MAML2: variants seen among roughly 807,000 people sequenced by gnomAD.
MAML2 encodes mastermind like transcriptional coactivator 2, also known as mastermind-like protein 2.
Under a neutral mutation model 96.1 loss-of-function variants are expected in MAML2, and 22 were observed. The ratio of observed to expected loss-of-function variants is 0.23; its 90% CI spans 0.16 to 0.33. The LOEUF is 0.33. MAML2 is among the 10% of genes least tolerant of loss of function. MAML2 has a pLI of 1.00. For missense variants in MAML2, 1,367 were observed against 1,392.4 expected (o/e 0.98, Z 0.29); for synonymous variants, 561 against 521.3 (o/e 1.08, Z -1.04).
chr11:96,115,389 G>A (rs532392128), intron 1 of MAML2, among the ~76,000 whole-genome samples: 124 of 151,644 alleles, frequency 8.2e-4, no homozygotes, highest in African/African-American at 2.8e-3. Context: ...CAGGCTGGTC[G>A]TGAACTCTTG....
intron 1 of MAML2, among the ~76,000 whole-genome samples, chr11:96,336,029 G>A (rs1863916089): frequency 6.6e-6 from 1 of 152,160 alleles, no homozygotes; most frequent in African/African-American, 2.4e-5. Flanking sequence ...CACCTACTAT[G>A]TATCAGGCAC....
Position 95,979,672 on chromosome 11 carries a change from G to T in MAML2, c.2747C>A (p.Pro916Gln). 2 of 1,613,914 alleles carry T rather than the reference G, an allele frequency of 1.2e-6. No homozygotes were observed. The highest frequency in any genetic ancestry group is 1.7e-6 in the Non-Finnish European group (2 of 1,179,878). ...PMMPRPPTLG[P>Q]SNNNNVATFG... is the part of the protein sequence containing the mutation. The stretch of plus-strand genomic sequence containing the variant: ...AGTGGCTACATTGTTATTATTACTT[G>T]GCCCTAAGGTAGGTGGCCGTGGCAT... Residue 916 changes from proline to glutamine, a missense_variant, in exon 5 of 5, where the codon CCA becomes CAA. Pro to Gln is a moderately conservative substitution (Grantham distance 76). Transcript: ENST00000524717.
chr11:96,158,145 T>G (rs536019847), intron 1 of MAML2, among the ~76,000 whole-genome samples: 1 of 152,186 alleles, frequency 6.6e-6, no homozygotes, highest in South Asian at 2.1e-4. Flanking sequence ...GTATAATTCT[T>G]GCTAAAATGA....
intron 1 of MAML2, among the ~76,000 whole-genome samples, chr11:96,138,622 T>TG (rs371086716): frequency 4.6e-5 from 7 of 151,930 alleles, no homozygotes; most frequent in Admixed American, 1.3e-4. Flanking sequence ...GTAAGAAAGA[T>TG]GGGGGGGTTG....
At chr11:96,081,172 G>A (rs1212332561) in intron 2 of MAML2, among the ~76,000 whole-genome samples, 2 of 152,114 alleles carry the variant, frequency 1.3e-5, no homozygotes, top group African/African-American at 4.8e-5. Context: ...CTTGCTAAAA[G>A]AAAGTGTGAA....
At chr11:96,306,865 C>T (rs1445310668) in intron 1 of MAML2, among the ~76,000 whole-genome samples, 1 of 152,062 alleles carries the variant, frequency 6.6e-6, no homozygotes. Context: ...GGAGTGAGCA[C>T]GAGGAATTGA....
intron 2 of MAML2, among the ~76,000 whole-genome samples, chr11:96,060,301 G>A (rs530969715): frequency 2.0e-5 from 3 of 152,320 alleles, no homozygotes; most frequent in South Asian, 4.1e-4. Flanking sequence ...TTACAGTACA[G>A]TAAACCAGTG....
chr11:96,326,483 T>G (rs1219109442), intron 1 of MAML2, among the ~76,000 whole-genome samples: 1 of 152,000 alleles, frequency 6.6e-6, no homozygotes, highest in Non-Finnish European at 1.5e-5. Context: ...TATATCCCTT[T>G]GCTGAAAGTC....
At chr11:96,311,959 G>A (rs1196764102) in intron 1 of MAML2, among the ~76,000 whole-genome samples, 3 of 151,962 alleles carry the variant, frequency 2.0e-5, no homozygotes, top group Admixed American at 6.6e-5. Flanking sequence ...AGCAAACACC[G>A]GCCAGGCTTG....
In MAML2 at chr11:95,978,933, T is replaced by C; in HGVS notation, c.*15A>G. The C allele has an allele frequency of 6.3e-7, 1 of 1,588,778 alleles. No individual in the cohort carries two copies. The highest frequency in any genetic ancestry group is 8.6e-7 in the Non-Finnish European group (1 of 1,168,410). On this transcript the variant is annotated 3_prime_UTR_variant, in exon 5 of 5. Transcript: ENST00000524717. Reference sequence around the variant, plus strand: ...TTTAGTGCTTGGAGTTTGTAAATTGTCTTCCCTTTCTTCTTTAGGAATTGT... The same window carrying C: ...TTTAGTGCTTGGAGTTTGTAAATTGCCTTCCCTTTCTTCTTTAGGAATTGT...
chr11:96,216,588 A>G (rs1862052822), intron 1 of MAML2, among the ~76,000 whole-genome samples: 1 of 152,202 alleles, frequency 6.6e-6, no homozygotes, highest in Admixed American at 6.5e-5. Flanking sequence ...TGTCCAGGCC[A>G]TGGTGCACTC....
chr11:96,296,656 T>TTAAA (rs548304251), intron 1 of MAML2, among the ~76,000 whole-genome samples: 23 of 151,682 alleles, frequency 1.5e-4, no homozygotes, highest in South Asian at 6.3e-4. Context: ...AAAAATAAAA[T>TTAAA]TAAATAAATA....
rs75964881 is a variant in MAML2, at chr11:96,049,182, G to T, written c.2139+42710C>A. Among the ~76,000 whole-genome samples the T allele has an allele frequency of 9.6e-3, 1,468 of 152,286 alleles. 16 individuals are homozygous for T. Among genetic ancestry groups the T allele is most frequent in the Non-Finnish European group, 0.016 (1,055 of 68,020 alleles). On this transcript the variant is annotated intron_variant, in intron 2 of 4. Transcript: ENST00000524717. ...AAGGACTTGGACAAGATGAGCTGCA[G>T]GGTGGTGACTTCAGAACTGGCATAC...
chr11:96,151,611 T>C (rs547514105), intron 1 of MAML2, among the ~76,000 whole-genome samples: 35 of 152,306 alleles, frequency 2.3e-4, no homozygotes, highest in African/African-American at 8.2e-4. Context: ...GTTCTCATGA[T>C]GGTGAGTGAG....
chr11:96,256,164 G>A (rs527345002), intron 1 of MAML2, among the ~76,000 whole-genome samples: 2 of 151,944 alleles, frequency 1.3e-5, no homozygotes, highest in South Asian at 2.1e-4. Flanking sequence ...GTGACCCACC[G>A]CACCTGGCCA....
chr11:96,323,895 A>G (rs1863741493), intron 1 of MAML2, among the ~76,000 whole-genome samples: 1 of 152,186 alleles, frequency 6.6e-6, no homozygotes, highest in South Asian at 2.1e-4. Flanking sequence ...CAGTCAAAAC[A>G]TGTGTCACTC....
chr11:96,005,023 C>A (rs903951161), intron 2 of MAML2, among the ~76,000 whole-genome samples: 4 of 152,146 alleles, frequency 2.6e-5, no homozygotes, highest in Non-Finnish European at 4.4e-5. Context: ...CTTCTACCTA[C>A]CACCATGGAA....
In MAML2 at chr11:96,333,325, A is replaced by C. The variant is rs147615708; in HGVS notation, c.513+8058T>G. On this transcript the variant is annotated intron_variant, in intron 1 of 4. Transcript: ENST00000524717. ...TTATTATCCTCAAGAAAGGGGAGGA[A>C]TCTAAGGTTAAATCATGGGGAGTAA... is the stretch of plus-strand genomic sequence containing the variant. Among the ~76,000 whole-genome samples the C allele has an allele frequency of 2.0e-3, 301 of 152,258 alleles. 1 individual carries two copies. Among genetic ancestry groups the C allele is most frequent in the African/African-American group, 7.1e-3 (293 of 41,556 alleles).
At chr11:96,288,248 G>A (rs1328662451) in intron 1 of MAML2, among the ~76,000 whole-genome samples, 2 of 152,184 alleles carry the variant, frequency 1.3e-5, no homozygotes, top group African/African-American at 4.8e-5. Context: ...TGCTGATTTT[G>A]CAGATTATGT....
Sources: allele counts gnomAD v4.1 joint callset (sites outside exome capture counted in the v4.1 genomes callset), GRCh38; gene constraint gnomAD v4.1.1; transcripts MANE v1.5; gene names NCBI Gene and HGNC (gene_info 2026-07-23, HGNC 2026-07-21).